ERBB4: variants seen among roughly 807,000 people sequenced by gnomAD.
ERBB4 encodes the protein erb-b2 receptor tyrosine kinase 4.
A neutral mutation model predicts 158.0 loss-of-function variants in ERBB4; 42 were observed. The ratio of observed to expected loss-of-function variants is 0.27; its 90% CI spans 0.21 to 0.34. The LOEUF is 0.34. Among genes scored for constraint, ERBB4 ranks in the 10% least tolerant of loss-of-function variants. ERBB4 has a pLI of 1.00. For synonymous variants in ERBB4, 583 were observed against 558.7 expected, an observed-to-expected ratio of 1.04 and a Z score of -0.61; for missense variants, 1,333 against 1,624.1, an observed-to-expected ratio of 0.82 and a Z score of 3.08.
chr2:212,396,227 A>G (rs2091021867), intron 1 of ERBB4, among the ~76,000 whole-genome samples: 1 of 152,174 alleles, frequency 6.6e-6, no homozygotes, highest in South Asian at 2.1e-4. Context: ...AAGATCTGGG[A>G]CAAAGGTATA....
chr2:212,075,050 T>C (rs1414006916), intron 2 of ERBB4, among the ~76,000 whole-genome samples: 1 of 151,926 alleles, frequency 6.6e-6, no homozygotes, highest in Non-Finnish European at 1.5e-5. Context: ...ATTATAGGGC[T>C]CTTTTCATGA....
At chr2:211,571,111 C>G (rs953542647) in intron 19 of ERBB4, among the ~76,000 whole-genome samples, 1 of 135,090 alleles carries the variant, frequency 7.4e-6, no homozygotes, top group African/African-American at 2.8e-5. Flanking sequence ...GGCACAATCT[C>G]GGCTCATTGC....
chr2:212,222,963 C>A (rs1287018936), intron 1 of ERBB4, among the ~76,000 whole-genome samples: 1 of 151,340 alleles, frequency 6.6e-6, no homozygotes, highest in Non-Finnish European at 1.5e-5. Flanking sequence ...GATGCATATG[C>A]TTTTGCTTTT....
chr2:212,165,529 A>C (rs2125658049), intron 1 of ERBB4, among the ~76,000 whole-genome samples: 1 of 152,136 alleles, frequency 6.6e-6, no homozygotes, highest in East Asian at 1.9e-4. Context: ...AGATAGAAGA[A>C]GTGGGCTGTT....
At chr2:211,715,259 T>C (rs1054277491) in intron 7 of ERBB4, among the ~76,000 whole-genome samples, 1 of 152,106 alleles carries the variant, frequency 6.6e-6, no homozygotes, top group African/African-American at 2.4e-5. Flanking sequence ...GGGTACAAAG[T>C]ATGGAAAAAT....
chr2:211,841,226 A>G (rs2077462636), intron 3 of ERBB4, among the ~76,000 whole-genome samples: 1 of 152,106 alleles, frequency 6.6e-6, no homozygotes, highest in Non-Finnish European at 1.5e-5. Context: ...TGCTCTTATT[A>G]GTTTCCAATG....
chr2:211,685,745 T>C (rs1307191065), intron 12 of ERBB4, among the ~76,000 whole-genome samples: 1 of 152,208 alleles, frequency 6.6e-6, no homozygotes, highest in Non-Finnish European at 1.5e-5. Flanking sequence ...AGCTATTCAA[T>C]ACAGGAACAC....
intron 1 of ERBB4, among the ~76,000 whole-genome samples, chr2:212,369,690 AC>A (rs746945780): frequency 6.6e-6 from 1 of 152,048 alleles, no homozygotes; most frequent in Non-Finnish European, 1.5e-5. Context: ...GTAAAGTAAT[AC>A]ACTACCTTTT....
chr2:211,403,969 A>G (rs2063096491), intron 25 of ERBB4, among the ~76,000 whole-genome samples: 1 of 152,078 alleles, frequency 6.6e-6, no homozygotes, highest in Admixed American at 6.6e-5. Context: ...ATTACATTTT[A>G]TGGGAATGTT....
Position 212,359,193 on chromosome 2 carries a change from C to G in ERBB4, c.82+179256G>C, listed in dbSNP as rs186765654. 3.5e-3 allele frequency among the ~76,000 whole-genome samples: 531 copies of G among 151,558 alleles called. 5 individuals are homozygous for G. Among genetic ancestry groups the G allele is most frequent in the African/African-American group, 0.012 (517 of 41,400 alleles). On this transcript the variant is annotated intron_variant, in intron 1 of 27. Coordinates refer to ENST00000342788, the MANE Select transcript of ERBB4 (RefSeq NM_005235.3). The stretch of plus-strand genomic sequence containing the variant: ...ATACTGTGCAATATCTTATTAAATA[C>G]TATTGTATATATCTAAACTTGTTCT...
At chr2:211,503,729 C>T (rs370175049) in intron 20 of ERBB4, among the ~76,000 whole-genome samples, 11 of 151,820 alleles carry the variant, frequency 7.2e-5, no homozygotes, top group South Asian at 2.1e-4. Flanking sequence ...GTCCAGTGGC[C>T]GACTGCTGGG....
At chr2:211,604,736 G>A (rs994239189) in intron 19 of ERBB4, among the ~76,000 whole-genome samples, 1 of 152,162 alleles carries the variant, frequency 6.6e-6, no homozygotes, top group East Asian at 1.9e-4. Flanking sequence ...TCGACCGACT[G>A]TTAACTTTGA....
At chr2:211,986,023 T>C (rs145661353) in intron 2 of ERBB4, among the ~76,000 whole-genome samples, 172 of 152,288 alleles carry the variant, frequency 1.1e-3, no homozygotes, top group African/African-American at 2.9e-3. Context: ...CATCCAGTGA[T>C]TTAGGTTTTC....
At chr2:211,577,239 G>A (rs181117801) in intron 19 of ERBB4, among the ~76,000 whole-genome samples, 103 of 152,232 alleles carry the variant, frequency 6.8e-4, no homozygotes, top group African/African-American at 2.3e-3. Context: ...TGAAGCATAT[G>A]GTACATGACA....
intron 1 of ERBB4, among the ~76,000 whole-genome samples, chr2:212,530,256 A>G (rs754658789): frequency 6.6e-6 from 1 of 152,182 alleles, no homozygotes; most frequent in Non-Finnish European, 1.5e-5. Flanking sequence ...ATACCTATGC[A>G]GTCAACTTTC....
intron 25 of ERBB4, among the ~76,000 whole-genome samples, chr2:211,391,062 A>G (rs2062788983): frequency 6.6e-6 from 1 of 152,228 alleles, no homozygotes; most frequent in South Asian, 2.1e-4. Flanking sequence ...GTTTAAATAT[A>G]TTTAAATTAC....
At chr2:211,861,835 A>G (rs574627190) in intron 3 of ERBB4, among the ~76,000 whole-genome samples, 1 of 152,326 alleles carries the variant, frequency 6.6e-6, no homozygotes, top group Non-Finnish European at 1.5e-5. Flanking sequence ...TGAAAAAACT[A>G]AAACAGAGGA....
At chr2:211,913,641 G>A (rs1392606842) in intron 3 of ERBB4, among the ~76,000 whole-genome samples, 1 of 138,468 alleles carries the variant, frequency 7.2e-6, no homozygotes, top group Non-Finnish European at 1.6e-5. Flanking sequence ...GTGTGTGTGT[G>A]TGTGTGTGTG....
At chr2:212,220,339 A>C (rs1269429775) in intron 1 of ERBB4, among the ~76,000 whole-genome samples, 1 of 151,440 alleles carries the variant, frequency 6.6e-6, no homozygotes, top group African/African-American at 2.4e-5. Flanking sequence ...AAATCTAAAC[A>C]CATAAGTACA....
Sources: allele counts gnomAD v4.1 joint callset (sites outside exome capture counted in the v4.1 genomes callset), GRCh38; gene constraint gnomAD v4.1.1; transcripts MANE v1.5; gene names NCBI Gene and HGNC (gene_info 2026-07-23, HGNC 2026-07-21).